Variants in FRMD4B observed in about 807,000 individuals in gnomAD.
FRMD4B encodes the protein FERM domain containing 4B.
In FRMD4B, 74 loss-of-function variants were observed where a neutral mutation model predicts 141.5. The observed-to-expected ratio is 0.52, with a 90% confidence interval of 0.43 to 0.63. FRMD4B has a LOEUF of 0.63. FRMD4B is among the 30% of genes least tolerant of loss of function. The pLI, the probability that FRMD4B is intolerant of heterozygous loss-of-function variation, is 0.00. For synonymous variants in FRMD4B, 506 were observed against 467.9 expected, an observed-to-expected ratio of 1.08 and a Z score of -1.05; for missense variants, 1,366 against 1,253.4, an observed-to-expected ratio of 1.09 and a Z score of -1.36.
At chr3:69,308,449 T>TG (rs984158010) in intron 3 of FRMD4B, among the ~76,000 whole-genome samples, 7 of 144,548 alleles carry the variant, frequency 4.8e-5, no homozygotes, top group Middle Eastern at 3.4e-3. Flanking sequence ...TTTTTTTTTT[T>TG]TTGTTTGGGA....
intron 7 of FRMD4B, among the ~76,000 whole-genome samples, chr3:69,237,165 C>T (rs1289879342): frequency 2.2e-5 from 2 of 89,386 alleles, no homozygotes; most frequent in East Asian, 3.8e-4. Flanking sequence ...AACTGCAGGC[C>T]GGAGCACAAG....
At chr3:69,516,065 AAATT>A (rs1484059546) in intron 1 of FRMD4B, among the ~76,000 whole-genome samples, 2 of 152,026 alleles carry the variant, frequency 1.3e-5, no homozygotes, top group African/African-American at 4.8e-5. Context: ...TCTCTACAAA[AAATT>A]AAAAAATTAG....
chr3:69,322,179 G>A (rs751254348), intron 1 of FRMD4B, among the ~76,000 whole-genome samples: 1 of 152,196 alleles, frequency 6.6e-6, no homozygotes, highest in Admixed American at 6.5e-5. Context: ...TGGAGAGCGG[G>A]AGAAGGATGT....
At chr3:69,490,066 T>G (rs965046880) in intron 1 of FRMD4B, among the ~76,000 whole-genome samples, 11 of 152,024 alleles carry the variant, frequency 7.2e-5, no homozygotes, top group Admixed American at 2.0e-4. Flanking sequence ...AGGGCTGGGG[T>G]AGCTGGGAGG....
At chr3:69,352,087 G>A (rs4290808) in intron 1 of FRMD4B, among the ~76,000 whole-genome samples, 105,082 of 151,858 alleles carry the variant, frequency 0.69, 37,168 homozygotes, top group African/African-American at 0.83. Flanking sequence ...TCTGGAGTGG[G>A]ACTTGGTATA....
intron 18 of FRMD4B, among the ~76,000 whole-genome samples, chr3:69,188,984 G>A (rs1481869832): frequency 6.6e-6 from 1 of 152,010 alleles, no homozygotes; most frequent in African/African-American, 2.4e-5. Context: ...CACTTTGGGA[G>A]GCCGAGGCAG....
chr3:69,245,345 G>GTTTTTT (rs1363513277), intron 7 of FRMD4B, among the ~76,000 whole-genome samples: 19 of 150,862 alleles, frequency 1.3e-4, no homozygotes, highest in African/African-American at 4.5e-4. Context: ...GTGTGTGTGT[G>GTTTTTT]TGTGTGTGTT....
At chr3:69,451,111 G>A (rs1314719058) in intron 1 of FRMD4B, among the ~76,000 whole-genome samples, 1 of 152,178 alleles carries the variant, frequency 6.6e-6, no homozygotes, top group Non-Finnish European at 1.5e-5. Context: ...GTGCTTCCAG[G>A]AACCAGCAGG....
At chr3:69,474,101 A>G (rs771983360) in intron 1 of FRMD4B, among the ~76,000 whole-genome samples, 4 of 152,188 alleles carry the variant, frequency 2.6e-5, no homozygotes, top group Admixed American at 2.0e-4. Context: ...GATTTATGCA[A>G]TGGTCTGAAT....
At chr3:69,491,432 C>T (rs115189921) in intron 1 of FRMD4B, among the ~76,000 whole-genome samples, 1,956 of 152,198 alleles carry the variant, frequency 0.013, 38 homozygotes, top group African/African-American at 0.043. Flanking sequence ...AAAAGCAAAA[C>T]CATTTCCTCA....
chr3:69,514,102 G>C (rs771396838), intron 1 of FRMD4B, among the ~76,000 whole-genome samples: 1 of 152,106 alleles, frequency 6.6e-6, no homozygotes, highest in Non-Finnish European at 1.5e-5. Context: ...TTGGAAAGAA[G>C]GAAGTAAAAT....
chr3:69,380,547 C>T (rs528204085), intron 1 of FRMD4B, among the ~76,000 whole-genome samples: 5 of 152,270 alleles, frequency 3.3e-5, no homozygotes, highest in South Asian at 4.1e-4. Context: ...TTTCATAATG[C>T]GGCTGCTTCT....
chr3:69,227,508 A>C (rs1215319958), intron 7 of FRMD4B, among the ~76,000 whole-genome samples: 3 of 152,216 alleles, frequency 2.0e-5, no homozygotes, highest in Non-Finnish European at 2.9e-5. Context: ...CTAAAAATAC[A>C]AAAATTAGCC....
chr3:69,235,563 G>A (rs551056600), intron 7 of FRMD4B, among the ~76,000 whole-genome samples: 32 of 152,014 alleles, frequency 2.1e-4, no homozygotes, highest in Admixed American at 3.9e-4. Context: ...GGAGGCTGAC[G>A]CAGAAGAATC....
At chr3:69,416,782 ATGAG>A (rs1322408341) in intron 2 of FRMD4B, among the ~76,000 whole-genome samples, 13 of 152,190 alleles carry the variant, frequency 8.5e-5, no homozygotes, top group African/African-American at 3.1e-4. Flanking sequence ...GCTCCTACTT[ATGAG>A]TGAGAACATG....
chr3:69,283,150 G>A lies in FRMD4B; in HGVS notation c.501+4602C>T, dbSNP rs976498588. ...TGTAATCCCAGCACTTTGGGAGGCC[G>A]AGGTGGGTGAATCACTTGAGGTCAG... On this transcript the variant is annotated intron_variant, in intron 5 of 22. Transcript: ENST00000398540. 2.0e-5 allele frequency among the ~76,000 whole-genome samples: 3 copies of A among 152,022 alleles called. 1 individual carries two copies. Among genetic ancestry groups the A allele is most frequent in the South Asian group, 4.2e-4 (2 of 4,798 alleles).
intron 2 of FRMD4B, among the ~76,000 whole-genome samples, chr3:69,428,148 A>C (rs937429695): frequency 2.0e-5 from 3 of 151,750 alleles, no homozygotes; most frequent in Admixed American, 1.3e-4. Flanking sequence ...TCTAATACAG[A>C]AGCTCTTCAG....
At chr3:69,457,668 A>AT (rs1705641185) in intron 1 of FRMD4B, among the ~76,000 whole-genome samples, 3 of 140,086 alleles carry the variant, frequency 2.1e-5, no homozygotes, top group South Asian at 2.4e-4. Context: ...TATATTAAAA[A>AT]ATTTTTTAAA....
At chr3:69,423,179 C>T (rs1474141981) in intron 2 of FRMD4B, among the ~76,000 whole-genome samples, 3 of 152,192 alleles carry the variant, frequency 2.0e-5, no homozygotes, top group Non-Finnish European at 2.9e-5. Context: ...GACAGGATCT[C>T]GCTCTGTTGC....
Sources: gnomAD v4.1 joint callset for allele counts (sites outside exome capture counted in the v4.1 genomes callset) on GRCh38, gnomAD v4.1.1 for gene constraint, MANE v1.5 for transcripts, NCBI Gene and HGNC (gene_info 2026-07-23, HGNC 2026-07-21) for gene names.